The following ADGRE2 variants were observed in gnomAD, a reference collection of about 807,000 sequenced individuals.
ADGRE2 encodes adhesion G protein-coupled receptor E2.
A neutral mutation model predicts 100.8 loss-of-function variants in ADGRE2; 83 were observed. The ratio of observed to expected loss-of-function variants is 0.82; its 90% CI spans 0.69 to 0.99. The LOEUF is 0.99. ADGRE2 is among the 50% of genes least tolerant of loss of function. The pLI is 0.00. For synonymous variants in ADGRE2, 355 were observed against 413.0 expected (o/e 0.86, Z 1.70); for missense variants, 814 against 1,035.7 (o/e 0.79, Z 2.94).
intron 11 of ADGRE2, among the ~76,000 whole-genome samples, 193 bp downstream of exon 11, chr19:14,764,236 ATTTT>A (rs61472082): frequency 2.2e-3 from 337 of 151,188 alleles, no homozygotes; most frequent in African/African-American, 5.6e-3. Flanking sequence ...AATTTAAAAG[ATTTT>A]TTTTTTTTTG....
At position 14,764,534 on chromosome 19, in the gene ADGRE2, C is replaced by T; in HGVS notation, c.983G>A (p.Cys328Tyr). 6.2e-7 allele frequency: 1 copy of T among 1,613,046 alleles called. No homozygotes were observed. Among genetic ancestry groups the T allele is most frequent in the Non-Finnish European group, 8.5e-7 (1 of 1,179,970 alleles). The change falls in exon 11 of 21, where the codon TGT (cysteine) becomes TAT (tyrosine). Residue 328 changes from cysteine (C) to tyrosine (Y), a missense_variant. Transcript: ENST00000315576. Reference sequence around the variant, plus strand: ...GCCATCCAGCAGGTGACTGGCCACACAGTGCTGCTGTAAGCGGGGCAGGGT... The same window carrying T: ...GCCATCCAGCAGGTGACTGGCCACATAGTGCTGCTGTAAGCGGGGCAGGGT... ...LETLPRLQQH[C>Y]VASHLLDGLE...
At position 14,759,815 on chromosome 19, in the gene ADGRE2, A is replaced by ATTTTT. The variant is rs71333311; in HGVS notation, c.1085-3475_1085-3471dup. 8.6e-4 allele frequency among the ~76,000 whole-genome samples: 82 copies of ATTTTT among 95,542 alleles called. 2 individuals are homozygous for ATTTTT. The highest frequency in any genetic ancestry group is 3.7e-3 in the African/African-American group (80 of 21,542). The allele number at this position is 95,542 out of a possible 152,430, so 62.7% of individuals were successfully genotyped here. A position where few individuals can be genotyped will look rare whatever the true frequency, so the allele number is the denominator to read the frequency against. ...AGCCACCTCTCCGCTTATTAAGCAG[A>ATTTTT]TTTTTTTTTTTTTTTTTTTTTGAGA... On this transcript the variant is annotated intron_variant, in intron 11 of 20. Coordinates refer to ENST00000315576, the MANE Select transcript of ADGRE2 (RefSeq NM_013447.4).
rs1467216051 is a variant in ADGRE2, at chr19:14,755,084, T to C, written c.1460A>G (p.His487Arg). The change falls in exon 14 of 21, where the codon CAT (histidine) becomes CGT (arginine). Residue 487 changes from histidine (H) to arginine (R), a missense_variant. Physicochemically the swap from His to Arg is conservative, Grantham distance 29 (BLOSUM62 0). Around this residue, in one of 5 missense-constraint regions of ADGRE2, gnomAD observed 569 missense variants for 692.7 expected, o/e 0.82. Coordinates refer to ENST00000315576, the MANE Select transcript of ADGRE2 (RefSeq NM_013447.4). ...CCAGTGACCACATCCATTCTGGCCA[T>C]GCTCCCAGAAGACACAGAGCACCTT... The part of the protein sequence containing the change: ...RQKVLCVFWE[H>R]GQNGCGHWAT... 7 of 1,613,982 alleles carry C rather than the reference T, an allele frequency of 4.3e-6. No homozygotes were observed. The highest frequency in any genetic ancestry group is 1.1e-5 in the South Asian group (1 of 91,068).
intron 1 of ADGRE2, 55 bp from the exon 2 acceptor site, chr19:14,776,982 A>ACGCG: frequency 2.1e-6 from 2 of 953,940 alleles, no homozygotes; most frequent in Admixed American, 3.9e-5. Context: ...CGCTGCACAC[A>ACGCG]CACACACACA....
chr19:14,761,456 C>G (rs2147348141), intron 11 of ADGRE2, among the ~76,000 whole-genome samples: 1 of 152,204 alleles, frequency 6.6e-6, no homozygotes, highest in South Asian at 2.1e-4. Context: ...CCACGACTAC[C>G]TTGTGATATA....
rs1234174817 is a variant in ADGRE2 at position 14,751,462 on chromosome 19, C to A, written c.1998G>T (p.Arg666Ser). 1.2e-6 allele frequency: 2 copies of A among 1,614,030 alleles called. No homozygotes were observed. Among genetic ancestry groups the A allele is most frequent in the East Asian group, 4.5e-5 (2 of 44,886 alleles). ...AVTVAISAAS[R>S]PHLYGTPSRC... ...GGGAAGGTGTTCCATAAAGGTGAGG[C>A]CTGGAGGCTGCAGAAATGGCCACTG... The change falls in exon 16 of 21, where the codon AGG becomes AGT. Residue 666 changes from arginine to serine, a missense_variant. By Grantham distance (110) the Arg-to-Ser change is moderately radical. Coordinates refer to ENST00000315576, the MANE Select transcript of ADGRE2 (RefSeq NM_013447.4).
intron 16 of ADGRE2, among the ~76,000 whole-genome samples, chr19:14,749,318 A>G (rs986415993): frequency 5.7e-5 from 3 of 53,036 alleles, no homozygotes; most frequent in South Asian, 6.6e-4. Context: ...TATGATATAT[A>G]CATATATAAT....
At chr19:14,727,620 G>A (rs923815750), downstream of ADGRE2, among the ~76,000 whole-genome samples, 8 of 152,086 alleles carry the variant, frequency 5.3e-5, no homozygotes, top group Non-Finnish European at 7.4e-5. Flanking sequence ...CCTCCCACCA[G>A]GCCCCACCTC....
At chr19:14,771,259 T>A (rs1176596510) in intron 5 of ADGRE2, among the ~76,000 whole-genome samples, 1 of 152,170 alleles carries the variant, frequency 6.6e-6, no homozygotes, top group Non-Finnish European at 1.5e-5. Context: ...ACCCCCTTAA[T>A]GTCCCCTGGG....
chr19:14,748,052 T>G lies in ADGRE2; in HGVS notation c.2025-1090A>C, dbSNP rs575029585. Among the ~76,000 whole-genome samples the G allele has an allele frequency of 5.5e-4, 84 of 152,190 alleles. 1 individual carries two copies. The highest frequency in any genetic ancestry group is 2.0e-3 in the African/African-American group (83 of 41,534). On this transcript the variant is annotated intron_variant, in intron 16 of 20. Transcript: ENST00000315576. ...TAGGTAAAATGCATGTTGCGGCGGT[T>G]TGGTGTACAGATTATTTCGTCACCC...
chr19:14,753,755 C>G (rs1422544501), intron 14 of ADGRE2, among the ~76,000 whole-genome samples: 1 of 151,102 alleles, frequency 6.6e-6, no homozygotes, highest in Non-Finnish European at 1.5e-5. Flanking sequence ...GACTGTGCCA[C>G]TGCACTCCAG....
chr19:14,752,475 G>A lies in ADGRE2; in HGVS notation c.1642C>T (p.Leu548=), dbSNP rs1444789714. ...VITYMGLSVS[L]LCLLLAALTF... ...AGGGCCGCCAGGAGGAGGCACAGCA[G>A]AGAGACGCTCAGCCCCATGTAGGTG... Residue 548 remains leucine (L), a synonymous_variant, in exon 15 of 21, where the codon CTG becomes TTG. Transcript: ENST00000315576. 12 of 1,614,064 alleles carry A rather than the reference G, an allele frequency of 7.4e-6. No individual in the cohort carries two copies. Among genetic ancestry groups the A allele is most frequent in the Non-Finnish European group, 9.3e-6 (11 of 1,180,048 alleles).
the ADGRE2 span, among the ~76,000 whole-genome samples, chr19:14,727,024 C>CTTTTT: frequency 5.1e-4 from 36 of 70,100 alleles, no homozygotes; most frequent in Non-Finnish European, 6.2e-4. Flanking sequence ...AGAAAAGAGG[C>CTTTTT]TTTTTTTTTT....
chr19:14,759,802 G>C (rs1434954322), intron 11 of ADGRE2, among the ~76,000 whole-genome samples: 3 of 135,340 alleles, frequency 2.2e-5, no homozygotes, highest in African/African-American at 5.6e-5. Context: ...CCACCTCTCC[G>C]CTTATTAAGC....
At chr19:14,750,345 C>G (rs1014151303) in intron 16 of ADGRE2, among the ~76,000 whole-genome samples, 24 of 150,958 alleles carry the variant, frequency 1.6e-4, no homozygotes, top group Admixed American at 1.5e-3. Context: ...TTCGGAAAAG[C>G]ATTTGACAAA....
chr19:14,737,554 G>A (rs1365791963), intron 20 of ADGRE2, among the ~76,000 whole-genome samples: 9 of 152,048 alleles, frequency 5.9e-5, no homozygotes, highest in African/African-American at 1.9e-4. Context: ...AACATCAAAA[G>A]GCCATATCAG....
chr19:14,751,192 C>T (rs974997923), intron 16 of ADGRE2, among the ~76,000 whole-genome samples: 6 of 152,146 alleles, frequency 3.9e-5, no homozygotes, highest in African/African-American at 1.4e-4. Context: ...TCGTGCTTTC[C>T]AAAGGCTTGC....
chr19:14,755,873 A>G lies in ADGRE2; in HGVS notation c.1197T>C (p.Pro399=), dbSNP rs140888899. The G allele has an allele frequency of 2.5e-6, 4 of 1,613,430 alleles. No homozygotes were observed. In the Admixed American group the frequency reaches 5.0e-5, roughly 20 times the overall value. ...NQAQKSGDPG[P]SVVGLVSIPG... ...GAATGGAGACAAGGCCCACCACAGA[A>G]GGGCCTGCAGGGCGAGGCCAAGGTT... The change falls in exon 13 of 21, where the codon CCT becomes CCC. Residue 399 remains proline, a synonymous_variant. Transcript: ENST00000315576.
chr19:14,764,707 G>C, intron 10 of ADGRE2, 97 bp from the exon 11 acceptor site: 1 of 1,276,030 alleles, frequency 7.8e-7, no homozygotes, highest in African/African-American at 1.5e-5. Context: ...CCTAGAGACT[G>C]TCTATCTGGG....
Sources: allele counts gnomAD v4.1 joint callset (sites outside exome capture counted in the v4.1 genomes callset), GRCh38; gene constraint gnomAD v4.1.1; regional missense constraint gnomAD v4.1.1; transcripts MANE v1.5; gene names NCBI Gene and HGNC (gene_info 2026-07-23, HGNC 2026-07-21).